Variants in ZXDC observed in about 807,000 individuals in gnomAD.
The protein encoded by ZXDC is ZXD family zinc finger C, also known as zinc finger protein ZXDC.
A neutral mutation model predicts 63.6 loss-of-function variants in ZXDC; 58 were observed. The ratio of observed to expected loss-of-function variants is 0.91; its 90% CI spans 0.74 to 1.13. ZXDC has a LOEUF of 1.13. Among genes scored for constraint, ZXDC ranks in the 50% most tolerant of loss-of-function variants. The probability of loss-of-function intolerance (pLI) is 0.00; values close to 1 mark genes in which losing one functional copy is unlikely to be tolerated. For missense variants in ZXDC, 1,133 were observed against 1,148.9 expected (o/e 0.99, Z 0.20); for synonymous variants, 561 against 496.1 (o/e 1.13, Z -1.74).
Position 126,461,755 on chromosome 3 carries a change from T to C in ZXDC, c.1907A>G (p.His636Arg), listed in dbSNP as rs777453088. ...ALTSNSNLAAHITTPTSSSTP... is the reference protein window; with the variant it reads ...ALTSNSNLAARITTPTSSSTP... Reference sequence around the variant, plus strand: ...GCTCGAAGAGGTCGGTGTGGTGATATGTGCTGCTAAGTTACTATTGGAGGT... The same window carrying C: ...GCTCGAAGAGGTCGGTGTGGTGATACGTGCTGCTAAGTTACTATTGGAGGT... Residue 636 changes from histidine to arginine, a missense_variant, in exon 6 of 10, where the codon CAT becomes CGT. Transcript: ENST00000389709. 11 of 1,613,946 alleles carry C rather than the reference T, an allele frequency of 6.8e-6. No individual in the cohort carries two copies. Among genetic ancestry groups the C allele is most frequent in the Admixed American group, 1.7e-5 (1 of 60,002 alleles).
In ZXDC at chr3:126,461,705, G is replaced by A. The variant is rs763341126; in HGVS notation, c.1957C>T (p.Pro653Ser). Residue 653 changes from proline to serine, a missense_variant, in exon 6 of 10, where the codon CCG (proline) becomes TCG (serine). Transcript: ENST00000389709. ...SSTPRENASV[P>S]ELLAPIKVEP... is the part of the protein sequence containing the mutation. ...ACCTTGATTGGAGCCAGCAGTTCCG[G>A]GACACTGGCATTTTCTCGGGGGGTG... The A allele has an allele frequency of 7.7e-5, 124 of 1,613,716 alleles. No individual in the cohort carries two copies. The highest frequency in any genetic ancestry group is 9.7e-5 in the Non-Finnish European group (114 of 1,179,962).
chr3:126,438,363 C>G lies in ZXDC; in HGVS notation c.*12G>C, dbSNP rs748735405. 1 of 1,608,574 alleles carries G rather than the reference C, an allele frequency of 6.2e-7. No homozygotes were observed. The highest frequency in any genetic ancestry group is 1.3e-5 in the African/African-American group (1 of 74,782). ...GACCGTGGCCTTGGGCCTGCCCAGG[C>G]CGAGGCTGCCGTCACTGCAGATCCT... is the stretch of plus-strand genomic sequence containing the variant. On this transcript the variant is annotated 3_prime_UTR_variant, in exon 10 of 10. Coordinates refer to ENST00000389709, the MANE Select transcript of ZXDC (RefSeq NM_025112.5).
At chr3:126,466,095 G>A in intron 5 of ZXDC, 60 bp downstream of exon 5, 1 of 1,553,986 alleles carries the variant, frequency 6.4e-7, no homozygotes, top group Non-Finnish European at 8.7e-7. Flanking sequence ...GACGGCACTG[G>A]CACTGTTCCC....
chr3:126,474,570 C>A (rs559369318), intron 1 of ZXDC, among the ~76,000 whole-genome samples: 4 of 152,186 alleles, frequency 2.6e-5, no homozygotes, highest in African/African-American at 9.7e-5. Flanking sequence ...TGAATCTGGC[C>A]ACATTCATCT....
intron 7 of ZXDC, chr3:126,450,691 G>A: frequency 2.8e-6 from 1 of 354,996 alleles, no homozygotes; most frequent in Non-Finnish European, 5.6e-6. Flanking sequence ...GCAGCAACAG[G>A]AAGAAAGGGG....
chr3:126,438,481 C>T lies in ZXDC; in HGVS notation c.2491-20G>A. On this transcript the variant is annotated intron_variant, in intron 9 of 9. Coordinates refer to ENST00000389709, the MANE Select transcript of ZXDC (RefSeq NM_025112.5). ...CACCTCCTGCAAAACCAAGCATTGT[C>T]ATGAAGAGGGAGGAGGGAGGGGAGG... 1 of 1,609,670 alleles carries T rather than the reference C, an allele frequency of 6.2e-7. No homozygotes were observed. Among genetic ancestry groups the T allele is most frequent in the Non-Finnish European group, 8.5e-7 (1 of 1,176,972 alleles).
chr3:126,453,819 T>C (rs938702032), intron 7 of ZXDC: 148 of 979,364 alleles, frequency 1.5e-4, no homozygotes, highest in Admixed American at 8.0e-4. Flanking sequence ...CTCAGCCTCC[T>C]GAGTAGCTGA....
intron 8 of ZXDC, chr3:126,440,170 G>A (rs1933621815): frequency 2.0e-6 from 2 of 1,004,702 alleles, no homozygotes; most frequent in Non-Finnish European, 2.4e-6. Flanking sequence ...GGAAGGACCA[G>A]GGCAGGTAGA....
Position 126,474,570 on chromosome 3 carries a change from C to T in ZXDC, c.907+389G>A, listed in dbSNP as rs559369318. ...AGCGTGTTAAGGTCCTGAATCTGGC[C>T]ACATTCATCTCTGCTCCTCTAGCAC... On this transcript the variant is annotated intron_variant, in intron 1 of 9. Coordinates refer to ENST00000389709, the MANE Select transcript of ZXDC (RefSeq NM_025112.5). 3.0e-4 allele frequency among the ~76,000 whole-genome samples: 46 copies of T among 152,186 alleles called. 1 individual carries two copies. The highest frequency in any genetic ancestry group is 6.0e-4 in the Non-Finnish European group (41 of 68,050).
chr3:126,444,957 T>G (rs1372194202), intron 7 of ZXDC, among the ~76,000 whole-genome samples: 1 of 152,228 alleles, frequency 6.6e-6, no homozygotes, highest in Non-Finnish European at 1.5e-5. Context: ...TGTATTACTT[T>G]TACAACAGGA....
Position 126,475,219 on chromosome 3 carries a change from C to A in ZXDC, c.647G>T (p.Gly216Val). Residue 216 changes from glycine (G) to valine (V), a missense_variant, in exon 1 of 10, where the codon GGT (glycine) becomes GTT (valine). Transcript: ENST00000389709. ...CTTGTAGGACGTTGTGAAGGCCCAA[C>A]CACAGCCCTCCAGTGGGCACTTGAA... Reference protein sequence around the residue: ...RPFKCPLEGCGWAFTTSYKLK... With the variant: ...RPFKCPLEGCVWAFTTSYKLK... The A allele has an allele frequency of 1.3e-6, 2 of 1,573,678 alleles. No homozygotes were observed.
At chr3:126,460,565 G>T in intron 6 of ZXDC, 1 of 985,422 alleles carries the variant, frequency 1.0e-6, no homozygotes, top group Non-Finnish European at 1.2e-6. Flanking sequence ...CCTGGCACCA[G>T]GGACTGACTG....
At chr3:126,459,953 A>G (rs1934459787) in intron 6 of ZXDC, 2 of 985,390 alleles carry the variant, frequency 2.0e-6, no homozygotes, top group Non-Finnish European at 1.2e-6. Flanking sequence ...TTTCTTATCC[A>G]GAGAAGCAAA....
intron 4 of ZXDC, among the ~76,000 whole-genome samples, chr3:126,466,963 C>A (rs527783549): frequency 1.2e-4 from 18 of 152,192 alleles, no homozygotes; most frequent in Non-Finnish European, 2.5e-4. Context: ...TTCTACTACG[C>A]TGGAGCTCTG....
intron 1 of ZXDC, 33 bp downstream of exon 1, chr3:126,474,926 G>A: frequency 6.5e-7 from 1 of 1,531,880 alleles, no homozygotes; most frequent in Non-Finnish European, 8.8e-7. Flanking sequence ...CTGCAACACC[G>A]CGCAGCCCGC....
chr3:126,461,377 A>G (rs1033365871), intron 6 of ZXDC, 158 bp downstream of exon 6: 98 of 1,415,104 alleles, frequency 6.9e-5, no homozygotes, highest in Non-Finnish European at 8.0e-5. Flanking sequence ...TGATTTGTCA[A>G]GGTCATAAGA....
At chr3:126,463,124 A>C (rs1166040702) in intron 5 of ZXDC, among the ~76,000 whole-genome samples, 1 of 151,586 alleles carries the variant, frequency 6.6e-6, no homozygotes, top group Non-Finnish European at 1.5e-5. Flanking sequence ...GCTGGAGTGC[A>C]GTGGCGCGAT....
intron 7 of ZXDC, chr3:126,453,034 C>T (rs1053025011): frequency 3.0e-6 from 3 of 985,264 alleles, no homozygotes; most frequent in Non-Finnish European, 3.6e-6. Context: ...CTGAGAGATA[C>T]CCTTGTCAGA....
At position 126,475,053 on chromosome 3, in the gene ZXDC, C is replaced by G. The variant is rs1292959709; in HGVS notation, c.813G>C (p.Glu271Asp). 17 of 1,603,340 alleles carry G rather than the reference C, an allele frequency of 1.1e-5. No individual in the cohort carries two copies. Among genetic ancestry groups the G allele is most frequent in the Non-Finnish European group, 1.3e-5 (15 of 1,175,188 alleles). The change falls in exon 1 of 10, where the codon GAG becomes GAC. Residue 271 changes from glutamate to aspartate, a missense_variant. Glu to Asp is a conservative substitution (Grantham distance 45, BLOSUM62 2). Coordinates refer to ENST00000389709, the MANE Select transcript of ZXDC (RefSeq NM_025112.5). ...GHEQESLFKC[E>D]VCAERFPTHA... ...GCGTGGGGAAGCGCTCGGCGCACAC[C>G]TCGCACTTGAACAGGCTCTCCTGCT...
Sources: allele counts gnomAD v4.1 joint callset (sites outside exome capture counted in the v4.1 genomes callset), GRCh38; gene constraint gnomAD v4.1.1; transcripts MANE v1.5; gene names NCBI Gene and HGNC (gene_info 2026-07-23, HGNC 2026-07-21).